Variants in MAGI2 observed in about 807,000 individuals in gnomAD.
The protein encoded by MAGI2 is membrane associated guanylate kinase, WW and PDZ domain containing 2.
MAGI2 carries 35 observed loss-of-function variants against 133.3 expected under a neutral mutation model. The observed-to-expected ratio is 0.26, with a 90% CI of 0.20 to 0.35. MAGI2 has a LOEUF of 0.35. Among genes scored for constraint, MAGI2 ranks in the 10% least tolerant of loss-of-function variants. MAGI2 has a pLI of 1.00. For missense variants in MAGI2, 1,636 were observed against 1,863.4 expected (o/e 0.88, Z 2.25); for synonymous variants, 729 against 710.6 (o/e 1.03, Z -0.41).
rs573317270 is a variant in MAGI2, at chr7:79,195,408, G to GA, written c.302-188203dup. Among the ~76,000 whole-genome samples, 28 of 151,736 alleles carry GA rather than the reference G, an allele frequency of 1.8e-4. No individual in the cohort carries two copies. In the East Asian group the frequency reaches 4.8e-3, roughly 26 times the overall value. On this transcript the variant is annotated intron_variant, in intron 1 of 21. Coordinates refer to ENST00000354212, the MANE Select transcript of MAGI2 (RefSeq NM_012301.4). ...ATTAGACCACATTTTGAGAAATCCA[G>GA]AAAAAATAGAAAAAAGAAAGCATAT...
rs533637521 is a variant in MAGI2 at position 78,318,382 on chromosome 7, A to G, written c.1408+25396T>C. ...CAGAAGAAAGGATATCAGAGATTGA[A>G]GAGCAACTCAATGAAATAAAGCGAG... On this transcript the variant is annotated intron_variant, in intron 9 of 21. Coordinates refer to ENST00000354212, the MANE Select transcript of MAGI2 (RefSeq NM_012301.4). Among the ~76,000 whole-genome samples the G allele has an allele frequency of 3.3e-5, 5 of 152,348 alleles. No homozygotes were observed. The South Asian group carries it at 8.3e-4, about 25-fold the overall frequency.
At chr7:78,028,815 C>T (rs1037238576) in intron 21 of MAGI2, among the ~76,000 whole-genome samples, 2 of 145,310 alleles carry the variant, frequency 1.4e-5, no homozygotes, top group African/African-American at 2.6e-5. Context: ...TGCCACTGCA[C>T]TCCAGCCTGG....
rs3061266 is a variant in MAGI2 at position 78,377,830 on chromosome 7, C to CA, written c.1046-8618dup. On this transcript the variant is annotated intron_variant, in intron 6 of 21. Transcript: ENST00000354212. Reference sequence around the variant, plus strand: ...GGAACAAAAGAAATATCAAACTAAACAAAAAAAAAGAGCAGACTATTTATA... The same window carrying CA: ...GGAACAAAAGAAATATCAAACTAAACAAAAAAAAAAGAGCAGACTATTTATA... 2.6e-4 allele frequency among the ~76,000 whole-genome samples: 38 copies of CA among 145,426 alleles called. 1 individual carries two copies. Among genetic ancestry groups the CA allele is most frequent in the Middle Eastern group, 3.6e-3 (1 of 276 alleles).
chr7:78,843,425 G>T (rs985844746), intron 2 of MAGI2, among the ~76,000 whole-genome samples: 3 of 151,762 alleles, frequency 2.0e-5, no homozygotes, highest in Non-Finnish European at 4.4e-5. Context: ...CTGGTTGTCT[G>T]TCTTGATAAC....
chr7:79,139,180 C>T (rs926530346), intron 1 of MAGI2, among the ~76,000 whole-genome samples: 2 of 152,070 alleles, frequency 1.3e-5, no homozygotes, highest in Admixed American at 6.5e-5. Flanking sequence ...ATTTCAACCA[C>T]CCAGTCTGTG....
chr7:78,227,337 G>A (rs6975764), intron 10 of MAGI2, among the ~76,000 whole-genome samples: 3,133 of 152,208 alleles, frequency 0.021, 110 homozygotes, highest in African/African-American at 0.071. Context: ...AGGCCCTACC[G>A]GAGGATCTGT....
At chr7:78,093,104 C>T (rs1817369186) in intron 20 of MAGI2, among the ~76,000 whole-genome samples, 1 of 136,062 alleles carries the variant, frequency 7.3e-6, no homozygotes, top group African/African-American at 2.8e-5. Flanking sequence ...CCACTGCACT[C>T]CAGCCTGGGT....
chr7:79,453,551 G>A lies in MAGI2; in HGVS notation c.-231C>T. The A allele has an allele frequency of 7.7e-7, 1 of 1,298,258 alleles. No homozygotes were observed. Among genetic ancestry groups the A allele is most frequent in the East Asian group, 3.2e-5 (1 of 31,332 alleles). 80.4% of individuals were successfully genotyped at this position (1,298,258 alleles called of 1,614,324 possible). A position where few individuals can be genotyped will look rare whatever the true frequency, so the allele number is the denominator to read the frequency against. On this transcript the variant is annotated 5_prime_UTR_variant, in exon 1 of 22. Transcript: ENST00000354212. ...AGGAGAGCTTGGATGAGGTTGTGCT[G>A]TCCCTTGAATGACACTCAAGGCTGT...
chr7:79,282,245 CTGG>C, intron 1 of MAGI2, among the ~76,000 whole-genome samples: 1 of 152,166 alleles, frequency 6.6e-6, no homozygotes, highest in Non-Finnish European at 1.5e-5. Context: ...CCAGTTCCCT[CTGG>C]TGGCAGAACA....
At chr7:78,241,317 A>G (rs1323442819) in intron 10 of MAGI2, among the ~76,000 whole-genome samples, 2 of 152,190 alleles carry the variant, frequency 1.3e-5, no homozygotes, top group African/African-American at 4.8e-5. Context: ...TGGTGTGACA[A>G]TAACTCTACA....
At chr7:78,421,485 T>C (rs1045943348) in intron 6 of MAGI2, among the ~76,000 whole-genome samples, 4 of 152,180 alleles carry the variant, frequency 2.6e-5, no homozygotes, top group African/African-American at 9.7e-5. Flanking sequence ...CATGAGATTA[T>C]TTTCGTCACA....
chr7:78,159,127 T>C (rs1012442591), intron 16 of MAGI2, among the ~76,000 whole-genome samples: 1 of 152,192 alleles, frequency 6.6e-6, no homozygotes, highest in Non-Finnish European at 1.5e-5. Flanking sequence ...GGAGACTGAT[T>C]TGAGTAATAA....
intron 1 of MAGI2, among the ~76,000 whole-genome samples, chr7:79,184,217 G>T (rs971034071): frequency 6.6e-6 from 1 of 151,520 alleles, no homozygotes; most frequent in African/African-American, 2.4e-5. Context: ...ATTCTATAAT[G>T]TACACATATA....
At chr7:78,168,159 T>G in intron 14 of MAGI2, 51 bp from the exon 15 acceptor site, 1 of 302,954 alleles carries the variant, frequency 3.3e-6, no homozygotes, top group East Asian at 2.4e-4. Context: ...TCCTTTTTCC[T>G]TTTTTTTTTT....
At chr7:79,098,009 C>T (rs191510829) in intron 1 of MAGI2, among the ~76,000 whole-genome samples, 12 of 152,266 alleles carry the variant, frequency 7.9e-5, no homozygotes, top group Non-Finnish European at 1.8e-4. Flanking sequence ...GTACTCCCAG[C>T]TACTTGGGAG....
chr7:78,144,703 T>G (rs2150566295), intron 16 of MAGI2, among the ~76,000 whole-genome samples: 1 of 152,280 alleles, frequency 6.6e-6, no homozygotes, highest in African/African-American at 2.4e-5. Context: ...TCGTGGGGAT[T>G]GTTGTTGCAC....
rs539920747 is a variant in MAGI2 at position 78,997,314 on chromosome 7, C to T, written c.418+9776G>A. ...AAACTTCTGATTTTTGTAATAAAAG[C>T]GGGATCCAGCCAGGCATGGTGGCTC... On this transcript the variant is annotated intron_variant, in intron 2 of 21. Transcript: ENST00000354212. 2.6e-5 allele frequency among the ~76,000 whole-genome samples: 4 copies of T among 152,094 alleles called. No homozygotes were observed. The East Asian group carries it at 5.8e-4, about 22-fold the overall frequency.
At chr7:79,041,626 A>G (rs1171828874) in intron 1 of MAGI2, among the ~76,000 whole-genome samples, 3 of 152,106 alleles carry the variant, frequency 2.0e-5, no homozygotes, top group Non-Finnish European at 4.4e-5. Flanking sequence ...ACTTTTAAAT[A>G]TGAGGGCATG....
chr7:79,213,350 A>T (rs1043648000), intron 1 of MAGI2, among the ~76,000 whole-genome samples: 11 of 140,652 alleles, frequency 7.8e-5, no homozygotes, highest in Non-Finnish European at 2.9e-5. Flanking sequence ...ACACACACAC[A>T]TATATTTTTT....
Sources: gnomAD v4.1 joint callset for allele counts (sites outside exome capture counted in the v4.1 genomes callset) on GRCh38, gnomAD v4.1.1 for gene constraint, MANE v1.5 for transcripts, NCBI Gene and HGNC (gene_info 2026-07-23, HGNC 2026-07-21) for gene names.